MCC: variants seen among roughly 807,000 people sequenced by gnomAD.
MCC encodes colorectal mutant cancer protein.
In MCC, 90 loss-of-function variants were observed where a neutral mutation model predicts 116.2. The ratio of observed to expected loss-of-function variants is 0.77; its 90% CI spans 0.65 to 0.92. MCC has a LOEUF of 0.92. Among genes scored for constraint, MCC ranks in the 40% least tolerant of loss-of-function variants. The probability of loss-of-function intolerance (pLI) is 0.00; values close to 1 mark genes in which losing one functional copy is unlikely to be tolerated. For synonymous variants in MCC, 578 were observed against 510.5 expected, an observed-to-expected ratio of 1.13 and a Z score of -1.78; for missense variants, 1,516 against 1,312.2, an observed-to-expected ratio of 1.16 and a Z score of -2.40.
intron 2 of MCC, among the ~76,000 whole-genome samples, chr5:113,364,370 C>T (rs1279463519): frequency 1.3e-5 from 2 of 151,262 alleles, no homozygotes; most frequent in African/African-American, 2.4e-5. Context: ...TAATTTCTCA[C>T]ATCCAGGGTA....
chr5:113,421,628 G>C (rs535590908), intron 1 of MCC, among the ~76,000 whole-genome samples: 1 of 152,320 alleles, frequency 6.6e-6, no homozygotes, highest in Non-Finnish European at 1.5e-5. Flanking sequence ...ATCTGGGTCA[G>C]ACTGTCTGCA....
chr5:113,482,168 G>A (rs1469375378), intron 1 of MCC, among the ~76,000 whole-genome samples: 1 of 152,178 alleles, frequency 6.6e-6, no homozygotes, highest in Non-Finnish European at 1.5e-5. Context: ...TTCATCAGAT[G>A]ATGAACATTT....
chr5:113,487,520 AT>A (rs1322622956), intron 1 of MCC, among the ~76,000 whole-genome samples: 1 of 152,196 alleles, frequency 6.6e-6, no homozygotes, highest in Non-Finnish European at 1.5e-5. Flanking sequence ...AGTGCGGGGG[AT>A]CCGAAGCAAA....
Position 113,143,385 on chromosome 5 carries a change from A to C in MCC, c.742-25T>G, listed in dbSNP as rs753213669. 1.9e-6 allele frequency: 3 copies of C among 1,612,998 alleles called. No individual in the cohort carries two copies. The South Asian group carries it at 3.3e-5, about 18-fold the overall frequency. ...ACTGGGAATAAGGGAAAAGGACAGA[A>C]GTGCTGATGAATTCATGCACCTACA... On this transcript the variant is annotated intron_variant, in intron 4 of 18. Coordinates refer to ENST00000408903, the MANE Select transcript of MCC (RefSeq NM_001085377.2).
At position 113,022,136 on chromosome 5, in the gene MCC, G is replaced by A. The variant is rs1447161889; in HGVS notation, c.*5166C>T. 6.6e-6 allele frequency: 1 copy of A among 152,496 alleles called. No homozygotes were observed. The highest frequency in any genetic ancestry group is 1.9e-4 in the East Asian group (1 of 5,200). 9.4% of individuals were successfully genotyped at this position (152,496 alleles called of 1,614,324 possible). On this transcript the variant is annotated 3_prime_UTR_variant, in exon 19 of 19. Transcript: ENST00000408903. ...TTAGAAATATTTATTCAGAATATAA[G>A]AATGTTTGTAAAATATTATAAATGT...
intron 3 of MCC, among the ~76,000 whole-genome samples, chr5:113,211,530 G>A (rs1043013904): frequency 2.6e-5 from 4 of 152,184 alleles, no homozygotes; most frequent in Non-Finnish European, 5.9e-5. Context: ...ACTGGCTTGG[G>A]GGGTTCTTGT....
At chr5:113,304,304 G>C (rs747672688) in intron 3 of MCC, among the ~76,000 whole-genome samples, 4 of 152,158 alleles carry the variant, frequency 2.6e-5, no homozygotes, top group Admixed American at 1.3e-4. Context: ...GCTAAGAAAA[G>C]AACTACTTGA....
Position 113,236,865 on chromosome 5 carries a change from C to G in MCC, c.628-85443G>C, listed in dbSNP as rs1016376742. ...CTTGGTGGGTGGCTTCGCTGGGAGG[C>G]TGGACCAGGAGAGCATTCCCACTCT... is the stretch of plus-strand genomic sequence containing the variant. On this transcript the variant is annotated intron_variant, in intron 3 of 18. Transcript: ENST00000408903. 3.3e-5 allele frequency among the ~76,000 whole-genome samples: 5 copies of G among 152,136 alleles called. No homozygotes were observed. The South Asian group carries it at 8.3e-4, about 25-fold the overall frequency.
At chr5:113,085,024 G>T in intron 9 of MCC, 140 bp downstream of exon 9, 1 of 1,105,986 alleles carries the variant, frequency 9.0e-7, no homozygotes, top group Non-Finnish European at 1.3e-6. Context: ...CTCCTGCATA[G>T]AAGGCCTGCG....
chr5:113,283,894 C>T (rs910377176), intron 3 of MCC, among the ~76,000 whole-genome samples: 1 of 152,228 alleles, frequency 6.6e-6, no homozygotes, highest in African/African-American at 2.4e-5. Flanking sequence ...AAACCTCCCT[C>T]TTCCTCCTCC....
intron 11 of MCC, among the ~76,000 whole-genome samples, chr5:113,078,105 G>A (rs931511288): frequency 1.3e-5 from 2 of 152,192 alleles, no homozygotes; most frequent in East Asian, 1.9e-4. Context: ...ACTAAACCGG[G>A]AAGGAGTTGA....
At chr5:113,070,397 GA>G (rs920023420) in intron 12 of MCC, among the ~76,000 whole-genome samples, 193 of 147,912 alleles carry the variant, frequency 1.3e-3, no homozygotes, top group African/African-American at 4.2e-3. Context: ...TGATGAGGCA[GA>G]AAAAAAAAAG....
rs377403019 is a variant in MCC at position 113,145,243 on chromosome 5, G to A, written c.742-1883C>T. Among the ~76,000 whole-genome samples, 10 of 152,294 alleles carry A rather than the reference G, an allele frequency of 6.6e-5. No individual in the cohort carries two copies. The East Asian group carries it at 1.9e-3, about 29-fold the overall frequency. On this transcript the variant is annotated intron_variant, in intron 4 of 18. Transcript: ENST00000408903. ...TCATGTTGTATGAACATGTACAGAT[G>A]TAGTGGACACTCTCATGCAGGTCAC...
chr5:113,337,828 T>C (rs1190306146), intron 3 of MCC, among the ~76,000 whole-genome samples: 2 of 152,242 alleles, frequency 1.3e-5, no homozygotes, highest in Non-Finnish European at 2.9e-5. Flanking sequence ...TGCCCAAATG[T>C]GCAGTTTCAA....
intron 1 of MCC, among the ~76,000 whole-genome samples, chr5:113,439,996 T>TCC (rs1770986799): frequency 6.6e-6 from 1 of 152,038 alleles, no homozygotes; most frequent in Admixed American, 6.6e-5. Context: ...CTCCTGGCCT[T>TCC]AAGGGATCCT....
rs1411521091 is a variant in MCC, at chr5:113,071,340, C to T, written c.1785-106G>A. On this transcript the variant is annotated intron_variant, in intron 11 of 18. Coordinates refer to ENST00000408903, the MANE Select transcript of MCC (RefSeq NM_001085377.2). ...GCAGAAAAGCATGTGAGGATGTGGGCCTGTCAGATTAGTAGCTGACACAGT... is the reference window on the plus strand; with the variant it reads ...GCAGAAAAGCATGTGAGGATGTGGGTCTGTCAGATTAGTAGCTGACACAGT... The T allele has an allele frequency of 2.5e-6, 3 of 1,193,112 alleles. No homozygotes were observed. In the African/African-American group the frequency reaches 4.6e-5, roughly 18 times the overall value. The allele number at this position is 1,193,112 out of a possible 1,614,324, so 73.9% of individuals were successfully genotyped here.
At chr5:113,144,246 T>G (rs1759356773) in intron 4 of MCC, among the ~76,000 whole-genome samples, 1 of 152,242 alleles carries the variant, frequency 6.6e-6, no homozygotes, top group Non-Finnish European at 1.5e-5. Context: ...CTGAGGAACC[T>G]GTTCACCTCT....
At chr5:113,469,264 A>G (rs1398847548) in intron 1 of MCC, among the ~76,000 whole-genome samples, 4 of 151,576 alleles carry the variant, frequency 2.6e-5, no homozygotes, top group African/African-American at 9.7e-5. Context: ...AGTTCTTTTA[A>G]TTGTGATGTT....
At chr5:113,090,779 CAT>C (rs1355958924) in intron 8 of MCC, among the ~76,000 whole-genome samples, 2 of 152,170 alleles carry the variant, frequency 1.3e-5, no homozygotes, top group African/African-American at 2.4e-5. Flanking sequence ...AACTTCCCGG[CAT>C]ATGACAGCTT....
Sources: allele counts gnomAD v4.1 joint callset (sites outside exome capture counted in the v4.1 genomes callset), GRCh38; gene constraint gnomAD v4.1.1; transcripts MANE v1.5; gene names NCBI Gene and HGNC (gene_info 2026-07-23, HGNC 2026-07-21).